ZNF471: variants seen among roughly 807,000 people sequenced by gnomAD.
ZNF471 encodes zinc finger protein 471.
In ZNF471, 7 loss-of-function variants were observed where a neutral mutation model predicts 13.7. The observed-to-expected ratio is 0.51, with a 90% confidence interval of 0.29 to 0.96. ZNF471 has a LOEUF of 0.96. ZNF471 is among the 40% of genes least tolerant of loss of function. ZNF471 has a pLI of 0.08. For missense variants in ZNF471, 663 were observed against 743.3 expected, an observed-to-expected ratio of 0.89 and a Z score of 1.26; for synonymous variants, 218 against 235.6, an observed-to-expected ratio of 0.93 and a Z score of 0.68.
At chr19:56,509,878 T>G (rs2043788079) in intron 1 of ZNF471, 1 of 985,132 alleles carries the variant, frequency 1.0e-6, no homozygotes, top group Admixed American at 6.2e-5. Flanking sequence ...GAATCCAGAG[T>G]GTGAGACCAG....
chr19:56,515,511 T>G (rs2043872653), intron 2 of ZNF471, among the ~76,000 whole-genome samples: 1 of 152,232 alleles, frequency 6.6e-6, no homozygotes, highest in Non-Finnish European at 1.5e-5. Context: ...AAAATGTGCT[T>G]TTAAACACTA....
Position 56,508,229 on chromosome 19 carries a change from C to CTG in ZNF471, c.-56+332_-56+333dup, listed in dbSNP as rs3219817. 8,959 of 800,042 alleles carry CTG rather than the reference C, an allele frequency of 0.011. 152 individuals carry two copies. Among genetic ancestry groups the CTG allele is most frequent in the African/African-American group, 0.087 (4,343 of 49,690 alleles). The allele number at this position is 800,042 out of a possible 1,614,324, so 49.6% of individuals were successfully genotyped here. ...GAGGCTCCGTGAGAGGGTGTGGTTT[C>CTG]TGTGTGTGTGTGTGTGTGTGTGTGA... On this transcript the variant is annotated intron_variant, in intron 1 of 4. Coordinates refer to ENST00000308031, the MANE Select transcript of ZNF471 (RefSeq NM_020813.4). The surrounding 1 kb of genome is among the most constrained non-coding windows in gnomAD (Gnocchi z 4.7).
chr19:56,525,660 C>A lies in ZNF471; in HGVS notation c.1593C>A (p.Ala531=). The A allele has an allele frequency of 6.2e-7, 1 of 1,613,032 alleles. No homozygotes were observed. The highest frequency in any genetic ancestry group is 8.5e-7 in the Non-Finnish European group (1 of 1,179,760). Residue 531 remains alanine (A), a synonymous_variant, in exon 5 of 5, where the codon GCC becomes GCA. Coordinates refer to ENST00000308031, the MANE Select transcript of ZNF471 (RefSeq NM_020813.4). The stretch of plus-strand genomic sequence containing the variant: ...CTTTCAAACAGAGATCACACCTTGC[C>A]CAACATCAGAAAACTCATACAGGAG... ...GNAFKQRSHL[A]QHQKTHTGEK... is the part of the protein sequence containing the mutation.
chr19:56,508,319 T>TGA lies in ZNF471; in HGVS notation c.-56+404_-56+405dup, dbSNP rs1446298603. On this transcript the variant is annotated intron_variant, in intron 1 of 4. Transcript: ENST00000308031. The surrounding 1 kb of genome is among the most constrained non-coding windows in gnomAD (Gnocchi z 4.7). ...TGTGACAGAGCGAGACGGGCCAGTG[T>TGA]GAGAGACCAGTGAGTGTGAGAGAGA... Among the ~76,000 whole-genome samples the TGA allele has an allele frequency of 1.3e-5, 2 of 150,952 alleles. No individual in the cohort carries two copies. Among genetic ancestry groups the TGA allele is most frequent in the Non-Finnish European group, 3.0e-5 (2 of 67,714 alleles).
chr19:56,521,396 T>C (rs1396311993), intron 4 of ZNF471, among the ~76,000 whole-genome samples: 1 of 152,174 alleles, frequency 6.6e-6, no homozygotes, highest in Non-Finnish European at 1.5e-5. Context: ...CCCAGCACTT[T>C]GGGAGGCCGA....
At chr19:56,519,603 A>C (rs1166698645) in intron 4 of ZNF471, among the ~76,000 whole-genome samples, 1 of 152,202 alleles carries the variant, frequency 6.6e-6, no homozygotes, top group Non-Finnish European at 1.5e-5. Flanking sequence ...GGGCATATCA[A>C]TATATGCCCT....
chr19:56,509,316 T>G (rs111959178), intron 1 of ZNF471, among the ~76,000 whole-genome samples: 1 of 152,234 alleles, frequency 6.6e-6, no homozygotes. Context: ...TCCAGATAGC[T>G]GAACACTGGA....
chr19:56,521,341 T>TA (rs978925101), intron 4 of ZNF471, among the ~76,000 whole-genome samples: 5 of 151,974 alleles, frequency 3.3e-5, no homozygotes, highest in Non-Finnish European at 7.4e-5. Flanking sequence ...GGTATAACTT[T>TA]AAAAAAATCT....
At chr19:56,513,908 T>C (rs971772011) in intron 2 of ZNF471, among the ~76,000 whole-genome samples, 7 of 152,056 alleles carry the variant, frequency 4.6e-5, no homozygotes, top group Admixed American at 4.6e-4. Context: ...AGAGATAGTG[T>C]AGAGAAATCT....
chr19:56,519,179 A>T lies in ZNF471; in HGVS notation c.256+602A>T, dbSNP rs553460914. Reference sequence around the variant, plus strand: ...TACTGAGTCTCTCAAGAGCCTTGGGAGACTAGATGGCTCCAGAGGTAATTC... The same window carrying T: ...TACTGAGTCTCTCAAGAGCCTTGGGTGACTAGATGGCTCCAGAGGTAATTC... On this transcript the variant is annotated intron_variant, in intron 4 of 4. Coordinates refer to ENST00000308031, the MANE Select transcript of ZNF471 (RefSeq NM_020813.4). 3.0e-4 allele frequency among the ~76,000 whole-genome samples: 46 copies of T among 152,290 alleles called. No individual in the cohort carries two copies. The South Asian group carries it at 9.3e-3, about 31-fold the overall frequency.
intron 4 of ZNF471, among the ~76,000 whole-genome samples, chr19:56,520,721 C>G (rs777087035): frequency 9.2e-5 from 14 of 152,144 alleles, no homozygotes; most frequent in Non-Finnish European, 5.9e-5. Context: ...GAAGAAGGCA[C>G]CATCTGTGAG....
At chr19:56,515,292 A>T (rs771061255) in intron 2 of ZNF471, among the ~76,000 whole-genome samples, 1 of 152,212 alleles carries the variant, frequency 6.6e-6, no homozygotes, top group Non-Finnish European at 1.5e-5. Flanking sequence ...TTTTGCTTGC[A>T]TTGAGGAATA....
chr19:56,513,627 A>G (rs1264174388), intron 2 of ZNF471, among the ~76,000 whole-genome samples: 1 of 151,962 alleles, frequency 6.6e-6, no homozygotes, highest in African/African-American at 2.4e-5. Flanking sequence ...TGAATTCACT[A>G]CCTTTCCTTT....
chr19:56,520,335 C>T (rs551159403), intron 4 of ZNF471, among the ~76,000 whole-genome samples: 27 of 152,222 alleles, frequency 1.8e-4, no homozygotes, highest in African/African-American at 6.5e-4. Flanking sequence ...GAGGAACAAC[C>T]ATGGCTCTCT....
At chr19:56,512,829 T>C (rs1446804680) in intron 2 of ZNF471, among the ~76,000 whole-genome samples, 1 of 152,184 alleles carries the variant, frequency 6.6e-6, no homozygotes, top group Non-Finnish European at 1.5e-5. Context: ...GTGTCAGATG[T>C]CCATAATTAA....
intron 2 of ZNF471, among the ~76,000 whole-genome samples, chr19:56,515,550 A>G (rs1385480913): frequency 6.6e-6 from 1 of 152,228 alleles, no homozygotes; most frequent in African/African-American, 2.4e-5. Flanking sequence ...TGATACAGAG[A>G]TTACTGTTTA....
At chr19:56,517,744 AT>A (rs1271850160) in intron 3 of ZNF471, among the ~76,000 whole-genome samples, 3 of 152,198 alleles carry the variant, frequency 2.0e-5, no homozygotes, top group Non-Finnish European at 4.4e-5. Flanking sequence ...CCCAGCTCAG[AT>A]TGGATAATTT....
rs1360833638 is a variant in ZNF471 at position 56,528,391 on chromosome 19, T to C, written c.*2443T>C. 2.6e-5 allele frequency: 4 copies of C among 151,258 alleles called. No individual in the cohort carries two copies. The highest frequency in any genetic ancestry group is 5.9e-5 in the Non-Finnish European group (4 of 67,888). The allele number at this position is 151,258 out of a possible 1,614,324, so 9.4% of individuals were successfully genotyped here. On this transcript the variant is annotated 3_prime_UTR_variant, in exon 5 of 5. Coordinates refer to ENST00000308031, the MANE Select transcript of ZNF471 (RefSeq NM_020813.4). ...AAGCAGTATGGCAGTCATAAAAATT[T>C]TGGAACCAAAACAGTATCTTTTTTT...
chr19:56,516,219 C>G lies in ZNF471; in HGVS notation c.34-56C>G. 1 of 1,583,774 alleles carries G rather than the reference C, an allele frequency of 6.3e-7. No individual in the cohort carries two copies. Among genetic ancestry groups the G allele is most frequent in the Non-Finnish European group, 8.6e-7 (1 of 1,157,500 alleles). ...AAAGTAGAGACACTTTGGATCAACT[C>G]AGAGTTATCTTTGGACACGAGCATT... On this transcript the variant is annotated intron_variant, in intron 2 of 4. Transcript: ENST00000308031. This position sits in a 1 kb window ranked among gnomAD's most constrained non-coding sequence, Gnocchi z 4.4.
Sources: gnomAD v4.1 joint callset for allele counts (sites outside exome capture counted in the v4.1 genomes callset) on GRCh38, gnomAD v4.1.1 for gene constraint, Gnocchi (gnomAD v3.1) non-coding constraint, MANE v1.5 for transcripts, NCBI Gene and HGNC (gene_info 2026-07-23, HGNC 2026-07-21) for gene names.